PRELID2: variants seen among roughly 807,000 people sequenced by gnomAD.
PRELID2 encodes PRELI domain containing 2.
Under a neutral mutation model 28.4 loss-of-function variants are expected in PRELID2, and 25 were observed. That is an observed-to-expected ratio of 0.88 (90% CI 0.64 to 1.23). The LOEUF (loss-of-function observed/expected upper bound fraction) is 1.23. Ranked by LOEUF, PRELID2 falls within the 50% of genes most tolerant of loss-of-function variation. PRELID2 has a pLI of 0.00. For synonymous variants in PRELID2, 76 were observed against 71.6 expected (o/e 1.06, Z -0.31); for missense variants, 201 against 214.4 (o/e 0.94, Z 0.39).
rs1295517227 is a variant in PRELID2, at chr5:145,640,613, C to A, written n.70+124318G>T. On this transcript the variant is annotated intron_variant and non_coding_transcript_variant, in intron 1 of 2. Transcript: ENST00000510259. ...GATCCGAGATCGCGCCACTGCACCCCAGCCTGGGCTACAGAGCGAGACTCT... is the reference window on the plus strand; with the variant it reads ...GATCCGAGATCGCGCCACTGCACCCAAGCCTGGGCTACAGAGCGAGACTCT... Among the ~76,000 whole-genome samples, 4 of 148,212 alleles carry A rather than the reference C, an allele frequency of 2.7e-5. No homozygotes were observed. In the East Asian group the frequency reaches 7.9e-4, roughly 29 times the overall value.
At chr5:145,637,407 C>A (rs1424951331) in intron 1 of PRELID2, among the ~76,000 whole-genome samples, 1 of 152,074 alleles carries the variant, frequency 6.6e-6, no homozygotes, top group East Asian at 1.9e-4. Flanking sequence ...ACTCTAGAAC[C>A]TAGTCCCCTC....
Position 145,716,802 on chromosome 5 carries a change from C to T in PRELID2, n.70+48129G>A, listed in dbSNP as rs117052476. On this transcript the variant is annotated intron_variant and non_coding_transcript_variant, in intron 1 of 2. Transcript: ENST00000510259. ...AGTTTGCTATGTGCCTGGCATTGCTCTCAACACTGGTATTGTCTTGTTTTA... is the reference window on the plus strand; with the variant it reads ...AGTTTGCTATGTGCCTGGCATTGCTTTCAACACTGGTATTGTCTTGTTTTA... Among the ~76,000 whole-genome samples the T allele has an allele frequency of 6.2e-4, 94 of 152,258 alleles. No homozygotes were observed. The East Asian group carries it at 0.016, about 27-fold the overall frequency.
At chr5:145,416,578 T>A in the PRELID2 span, among the ~76,000 whole-genome samples, 6 of 152,186 alleles carry the variant, frequency 3.9e-5, no homozygotes, top group Non-Finnish European at 7.4e-5. Context: ...AAGGCAGAAA[T>A]CAGGAAGTTC....
At chr5:145,427,927 G>A in the PRELID2 span, among the ~76,000 whole-genome samples, 3 of 152,104 alleles carry the variant, frequency 2.0e-5, no homozygotes, top group Non-Finnish European at 4.4e-5. Flanking sequence ...TGGATCTCAA[G>A]TAAATCTTGT....
intron 1 of PRELID2, among the ~76,000 whole-genome samples, chr5:145,475,887 T>G (rs757337577): frequency 3.9e-5 from 6 of 152,214 alleles, no homozygotes; most frequent in Non-Finnish European, 8.8e-5. Flanking sequence ...TGTGAAATGT[T>G]TATAATCATT....
chr5:145,382,249 A>G, the PRELID2 span, among the ~76,000 whole-genome samples: 2 of 152,134 alleles, frequency 1.3e-5, no homozygotes, highest in African/African-American at 4.8e-5. Flanking sequence ...AAAGATTAAC[A>G]CATCTTCAGT....
chr5:145,260,093 C>T, the PRELID2 span, among the ~76,000 whole-genome samples: 8 of 152,140 alleles, frequency 5.3e-5, no homozygotes, highest in Admixed American at 2.6e-4. Context: ...CCTGTTCCTG[C>T]TCCTGCCATG....
chr5:145,308,563 C>A, the PRELID2 span, among the ~76,000 whole-genome samples: 1 of 151,634 alleles, frequency 6.6e-6, no homozygotes, highest in Non-Finnish European at 1.5e-5. Context: ...CCATATAGAT[C>A]TATCTATCTA....
At chr5:145,640,998 C>G (rs1164634531) in intron 1 of PRELID2, among the ~76,000 whole-genome samples, 2 of 152,004 alleles carry the variant, frequency 1.3e-5, no homozygotes, top group East Asian at 3.9e-4. Context: ...TATTTTATAC[C>G]AGGCCCTAGT....
rs558961322 is a variant in PRELID2 at position 145,809,794 on chromosome 5, C to T, written c.368+8100G>A. Among the ~76,000 whole-genome samples the T allele has an allele frequency of 3.3e-5, 5 of 152,304 alleles. No individual in the cohort carries two copies. The East Asian group carries it at 9.6e-4, about 29-fold the overall frequency. The stretch of plus-strand genomic sequence containing the variant: ...ACTTGAAGATACCAGAAAGTTTTTA[C>T]TTAGCATAAAAACACATATGCTGGA... On this transcript the variant is annotated intron_variant, in intron 4 of 6. Coordinates refer to ENST00000683046, the MANE Select transcript of PRELID2 (RefSeq NM_205846.3).
chr5:145,644,516 T>C (rs1402763970), intron 1 of PRELID2, among the ~76,000 whole-genome samples: 1 of 152,178 alleles, frequency 6.6e-6, no homozygotes, highest in Non-Finnish European at 1.5e-5. Flanking sequence ...TCTATCTCCT[T>C]CAGTTCTGCT....
intron 1 of PRELID2, among the ~76,000 whole-genome samples, chr5:145,536,565 G>A (rs1752700482): frequency 6.6e-6 from 1 of 151,850 alleles, no homozygotes. Flanking sequence ...TATGTGGAGG[G>A]AAAGCTGGAG....
At chr5:145,687,766 C>A (rs996176480) in intron 1 of PRELID2, among the ~76,000 whole-genome samples, 1 of 152,176 alleles carries the variant, frequency 6.6e-6, no homozygotes, top group Non-Finnish European at 1.5e-5. Context: ...TCATTGTCCA[C>A]AAACTACCAG....
intron 4 of PRELID2, among the ~76,000 whole-genome samples, chr5:145,798,952 A>T (rs1752947570): frequency 6.6e-6 from 1 of 151,996 alleles, no homozygotes; most frequent in Admixed American, 6.6e-5. Context: ...CAGCAAACCA[A>T]CATGGCACAT....
At chr5:145,279,174 C>T in the PRELID2 span, among the ~76,000 whole-genome samples, 16 of 152,288 alleles carry the variant, frequency 1.1e-4, no homozygotes, top group African/African-American at 3.8e-4. Flanking sequence ...GCTGATATTA[C>T]TTTCAATTGG....
chr5:145,304,982 T>C, the PRELID2 span, among the ~76,000 whole-genome samples: 1 of 152,190 alleles, frequency 6.6e-6, no homozygotes, highest in Non-Finnish European at 1.5e-5. Context: ...ATAATCCATC[T>C]CCTATTGTGG....
intron 1 of PRELID2, among the ~76,000 whole-genome samples, chr5:145,734,122 T>A (rs114318057): frequency 0.019 from 2,949 of 152,224 alleles, 71 homozygotes; most frequent in East Asian, 0.075. Context: ...TTGATTTTTT[T>A]AAATATTTTT....
chr5:145,549,375 T>C (rs1752813491), intron 1 of PRELID2, among the ~76,000 whole-genome samples: 1 of 152,200 alleles, frequency 6.6e-6, no homozygotes, highest in African/African-American at 2.4e-5. Flanking sequence ...GTGATCCAGG[T>C]AGTATATTTA....
the PRELID2 span, among the ~76,000 whole-genome samples, chr5:145,462,181 T>G: frequency 2.0e-5 from 3 of 152,168 alleles, no homozygotes; most frequent in African/African-American, 7.2e-5. Flanking sequence ...CAGAGAGCAC[T>G]GATACAATAA....
Sources: gnomAD v4.1 joint callset for allele counts (sites outside exome capture counted in the v4.1 genomes callset) on GRCh38, gnomAD v4.1.1 for gene constraint, MANE v1.5 for transcripts, NCBI Gene and HGNC (gene_info 2026-07-23, HGNC 2026-07-21) for gene names.